The following PKD1L3 variants were observed in gnomAD, a reference collection of about 807,000 sequenced individuals.
PKD1L3 encodes the protein polycystin 1 like 3, transient receptor potential channel interacting, also known as polycystin-1-like protein 3.
A neutral mutation model predicts 184.1 loss-of-function variants in PKD1L3; 239 were observed. The observed-to-expected ratio is 1.30, with a 90% CI of 1.17 to 1.45. PKD1L3 has a LOEUF of 1.45. Among genes scored for constraint, PKD1L3 ranks in the 40% most tolerant of loss-of-function variants. PKD1L3 has a pLI of 0.00. For missense variants in PKD1L3, 2,660 were observed against 2,067.2 expected, an observed-to-expected ratio of 1.29 and a Z score of -5.56; for synonymous variants, 996 against 778.8, an observed-to-expected ratio of 1.28 and a Z score of -4.64.
chr16:71,941,118 T>C (rs1407320555), intron 24 of PKD1L3, among the ~76,000 whole-genome samples: 2 of 151,920 alleles, frequency 1.3e-5, no homozygotes, highest in African/African-American at 4.8e-5. Flanking sequence ...GATTATAGGC[T>C]TGAGACACCG....
Position 71,954,320 on chromosome 16 carries a change from A to C in PKD1L3, c.2613-19T>G, listed in dbSNP as rs529802945. The C allele has an allele frequency of 4.7e-6, 7 of 1,498,612 alleles. No homozygotes were observed. The East Asian group carries it at 1.2e-4, about 27-fold the overall frequency. The allele number at this position is 1,498,612 out of a possible 1,614,324, so 92.8% of individuals were successfully genotyped here. A position where few individuals can be genotyped will look rare whatever the true frequency, so the allele number is the denominator to read the frequency against. ...CAGATGTCTGAAAAGAGAAATCAGA[A>C]GAGGAAATACATGAGATTTTATTCT... On this transcript the variant is annotated intron_variant, in intron 16 of 29. Transcript: ENST00000620267.
At chr16:71,956,184 ATTTTTTTTTT>A (rs35268514) in intron 16 of PKD1L3, among the ~76,000 whole-genome samples, 1 of 82,758 alleles carries the variant, frequency 1.2e-5, no homozygotes, top group African/African-American at 5.4e-5. Context: ...AAAGGAAGGA[ATTTTTTTTTT>A]TTTTTTTTTT....
At chr16:71,968,940 T>G (rs981184137) in intron 13 of PKD1L3, among the ~76,000 whole-genome samples, 1 of 150,602 alleles carries the variant, frequency 6.6e-6, no homozygotes, top group African/African-American at 2.4e-5. Flanking sequence ...CTTTTTTTTT[T>G]TTGAGACAGA....
In PKD1L3 at chr16:71,954,253, C is replaced by T. The variant is rs1365153643; in HGVS notation, c.2661G>A (p.Leu887=). 1.5e-5 allele frequency: 24 copies of T among 1,549,146 alleles called. No homozygotes were observed. Among genetic ancestry groups the T allele is most frequent in the Non-Finnish European group, 2.1e-5 (24 of 1,146,096 alleles). ...MIVEKFTQDY[L]WLSIATRHPW... The stretch of plus-strand genomic sequence containing the variant: ...GATGCCGAGTTGCAATTGAAAGCCA[C>T]AGATAATCCTGGGTGAACTTTTCCA... The change falls in exon 17 of 30, where the codon CTG becomes CTA. Residue 887 remains leucine, a synonymous_variant. Transcript: ENST00000620267.
intron 17 of PKD1L3, 130 bp from the exon 18 acceptor site, chr16:71,953,223 A>G (rs1270642497): frequency 7.9e-6 from 6 of 763,002 alleles, no homozygotes; most frequent in Non-Finnish European, 1.2e-5. Flanking sequence ...TTATCCTGGC[A>G]GTAAAGACCA....
chr16:71,963,249 G>C lies in PKD1L3; in HGVS notation c.2568C>G (p.Asp856Glu). 1.3e-6 allele frequency: 2 copies of C among 1,551,206 alleles called. No homozygotes were observed. Among genetic ancestry groups the C allele is most frequent in the African/African-American group, 1.4e-5 (1 of 73,148 alleles). Residue 856 changes from aspartate (D) to glutamate (E), a missense_variant, in exon 16 of 30, where the codon GAC (aspartate) becomes GAG (glutamate). By Grantham distance (45) the Asp-to-Glu change is conservative (BLOSUM62 2). Transcript: ENST00000620267. ...TCTTTGAAACTGGGATGAAGACCCG[G>C]TCAAGCTCACAGTCTCCGAGGTCCA... is the stretch of plus-strand genomic sequence containing the variant. ...LAVDLGDCEL[D>E]RVFIPVSKRE...
chr16:71,973,543 T>A (rs1012628016), intron 11 of PKD1L3, 26 bp from the exon 12 acceptor site: 125 of 1,533,128 alleles, frequency 8.2e-5, no homozygotes, highest in Non-Finnish European at 1.0e-4. Flanking sequence ...AGTGCTTACT[T>A]GTATATCAAA....
intron 17 of PKD1L3, among the ~76,000 whole-genome samples, chr16:71,953,850 C>T (rs543285502): frequency 1.3e-5 from 2 of 152,258 alleles, no homozygotes; most frequent in Admixed American, 6.5e-5. Flanking sequence ...GACACAGAGC[C>T]AAACCATATC....
At chr16:71,992,389 A>G (rs931397882) in intron 3 of PKD1L3, among the ~76,000 whole-genome samples, 1 of 152,208 alleles carries the variant, frequency 6.6e-6, no homozygotes, top group African/African-American at 2.4e-5. Flanking sequence ...ATGACACTTA[A>G]AGCCACATGT....
chr16:71,987,671 G>A (rs945606465), intron 4 of PKD1L3, among the ~76,000 whole-genome samples: 16 of 152,038 alleles, frequency 1.1e-4, no homozygotes, highest in African/African-American at 3.6e-4. Context: ...CACTGCACCC[G>A]GCCTTTTTTC....
intron 9 of PKD1L3, 56 bp downstream of exon 9, chr16:71,979,730 C>G (rs1288332501): frequency 6.9e-7 from 1 of 1,455,384 alleles, no homozygotes; most frequent in Non-Finnish European, 9.0e-7. Context: ...CACCCAAATG[C>G]CTACATGGCC....
At chr16:71,943,957 T>A in intron 23 of PKD1L3, 73 bp downstream of exon 23, 1 of 1,449,850 alleles carries the variant, frequency 6.9e-7, no homozygotes, top group East Asian at 2.5e-5. Flanking sequence ...TATTTTCCAT[T>A]TTATTCTCTC....
intron 5 of PKD1L3, among the ~76,000 whole-genome samples, chr16:71,985,908 A>C (rs369347847): frequency 1.3e-5 from 2 of 152,164 alleles, no homozygotes; most frequent in East Asian, 3.9e-4. Flanking sequence ...AGGCGGAGAG[A>C]GGGGACAGTG....
At position 71,937,276 on chromosome 16, in the gene PKD1L3, A is replaced by G. The variant is rs1408040992; in HGVS notation, c.4452+16T>C. 1 of 1,547,462 alleles carries G rather than the reference A, an allele frequency of 6.5e-7. No individual in the cohort carries two copies. The highest frequency in any genetic ancestry group is 1.2e-5 in the South Asian group (1 of 83,170). ...TGCCATGTTGCCCAGGCTGACATCT[A>G]ACATTATTGACTCACCTGTATGAAG... On this transcript the variant is annotated intron_variant, in intron 25 of 29. Transcript: ENST00000620267.
At chr16:71,953,869 T>A (rs760706654) in intron 17 of PKD1L3, among the ~76,000 whole-genome samples, 21 of 152,124 alleles carry the variant, frequency 1.4e-4, no homozygotes, top group Non-Finnish European at 2.8e-4. Context: ...TCACACCACA[T>A]GATTCTGTTT....
Position 71,973,446 on chromosome 16 carries a change from C to G in PKD1L3, c.1831G>C (p.Val611Leu), listed in dbSNP as rs368180169. 2 of 1,551,736 alleles carry G rather than the reference C, an allele frequency of 1.3e-6. No homozygotes were observed. The highest frequency in any genetic ancestry group is 8.7e-7 in the Non-Finnish European group (1 of 1,147,046). Residue 611 changes from valine to leucine, a missense_variant, in exon 12 of 30, where the codon GTG becomes CTG. Val to Leu is a conservative substitution (Grantham distance 32). Transcript: ENST00000620267. ...GCACCCTCCTGCCTCTCACTCAGCA[C>G]AGCTGTTATATAGTAGGTGCCAATC... ...HGIGTYYITAVLSERQEGAQQ... is the reference protein window; with the variant it reads ...HGIGTYYITALLSERQEGAQQ...
rs546907628 is a variant in PKD1L3, at chr16:71,933,861, C to T, written c.4824+54G>A. On this transcript the variant is annotated intron_variant, in intron 27 of 29. Coordinates refer to ENST00000620267, the MANE Select transcript of PKD1L3 (RefSeq NM_181536.2). ...GTGACCATTTCTATGGGAAGCGATGCGATTCCAAGACCACAGCACACGGAG... is the reference window on the plus strand; with the variant it reads ...GTGACCATTTCTATGGGAAGCGATGTGATTCCAAGACCACAGCACACGGAG... 2.0e-6 allele frequency: 3 copies of T among 1,524,570 alleles called. No individual in the cohort carries two copies. The South Asian group carries it at 3.6e-5, about 18-fold the overall frequency. 94.4% of individuals were successfully genotyped at this position (1,524,570 alleles called of 1,614,324 possible).
chr16:71,978,333 A>C lies in PKD1L3; in HGVS notation c.1449T>G (p.Ile483Met), dbSNP rs959780111. 1 of 1,550,404 alleles carries C rather than the reference A, an allele frequency of 6.4e-7. No individual in the cohort carries two copies. The highest frequency in any genetic ancestry group is 2.0e-5 in the Admixed American group (1 of 50,924). Reference sequence around the variant, plus strand: ...GTAACACACTTCCAATGCTTCCAACAATGTTTCTGTTGTCCAAATCCTTGA... The same window carrying C: ...GTAACACACTTCCAATGCTTCCAACCATGTTTCTGTTGTCCAAATCCTTGA... ...NPFKDLDNRNIVGSIGSVLLS... is the reference protein window; with the variant it reads ...NPFKDLDNRNMVGSIGSVLLS... The change falls in exon 10 of 30, where the codon ATT becomes ATG. Residue 483 changes from isoleucine to methionine, a missense_variant. Physicochemically the swap from Ile to Met is conservative, Grantham distance 10. Coordinates refer to ENST00000620267, the MANE Select transcript of PKD1L3 (RefSeq NM_181536.2).
At position 71,967,276 on chromosome 16, in the gene PKD1L3, G is replaced by T. The variant is rs749437774; in HGVS notation, c.2326C>A (p.Pro776Thr). 6 of 1,551,622 alleles carry T rather than the reference G, an allele frequency of 3.9e-6. No individual in the cohort carries two copies. In the South Asian group the frequency reaches 5.9e-5, roughly 15 times the overall value. Reference sequence around the variant, plus strand: ...TTCTGGGGGTCACAGAGGTGATGGGGCTCACTCCGTCCCTCTGATCCATAG... The same window carrying T: ...TTCTGGGGGTCACAGAGGTGATGGGTCTCACTCCGTCCCTCTGATCCATAG... ...TLYGSEGRSE[P>T]HHLCDPQKTV... Residue 776 changes from proline to threonine, a missense_variant, in exon 15 of 30, where the codon CCC (proline) becomes ACC (threonine). Pro to Thr is a conservative substitution (Grantham distance 38). Transcript: ENST00000620267.
Sources: allele counts gnomAD v4.1 joint callset (sites outside exome capture counted in the v4.1 genomes callset), GRCh38; gene constraint gnomAD v4.1.1; transcripts MANE v1.5; gene names NCBI Gene and HGNC (gene_info 2026-07-23, HGNC 2026-07-21).